SIM1: variants seen among roughly 807,000 people sequenced by gnomAD.
SIM1 encodes single-minded homolog 1.
SIM1 carries 18 observed loss-of-function variants against 78.2 expected under a neutral mutation model. The observed-to-expected ratio is 0.23, with a 90% CI of 0.16 to 0.34. The LOEUF is 0.34. Among genes scored for constraint, SIM1 ranks in the 10% least tolerant of loss-of-function variants. SIM1 has a pLI of 1.00. For missense variants in SIM1, 939 were observed against 975.1 expected, an observed-to-expected ratio of 0.96 and a Z score of 0.49; for synonymous variants, 417 against 385.2, an observed-to-expected ratio of 1.08 and a Z score of -0.97.
intron 11 of SIM1, among the ~76,000 whole-genome samples, chr6:100,392,162 G>A (rs760383102): frequency 2.6e-5 from 4 of 152,218 alleles, no homozygotes; most frequent in East Asian, 1.9e-4. Context: ...CGACAAGAGC[G>A]AAACTCTGTC....
chr6:100,424,067 CT>C (rs1435687108), intron 9 of SIM1, among the ~76,000 whole-genome samples: 1 of 126,408 alleles, frequency 7.9e-6, no homozygotes, highest in South Asian at 3.3e-4. Flanking sequence ...CCCCACCCCC[CT>C]CCCACCCCCC....
intron 9 of SIM1, among the ~76,000 whole-genome samples, chr6:100,439,872 A>T (rs534315923): frequency 1.3e-5 from 2 of 152,102 alleles, no homozygotes; most frequent in East Asian, 3.9e-4. Context: ...AGAAATCTCT[A>T]CTCCCCTTAG....
chr6:100,404,680 G>A (rs1234549441), intron 10 of SIM1, among the ~76,000 whole-genome samples: 4 of 151,710 alleles, frequency 2.6e-5, no homozygotes, highest in Admixed American at 6.6e-5. Flanking sequence ...CCCACTTCTC[G>A]GGATGCTTCC....
intron 10 of SIM1, among the ~76,000 whole-genome samples, chr6:100,405,477 T>A (rs988589502): frequency 3.3e-5 from 5 of 152,186 alleles, no homozygotes; most frequent in African/African-American, 9.6e-5. Flanking sequence ...AAACCAATTT[T>A]AAAGTATTTA....
intron 10 of SIM1, among the ~76,000 whole-genome samples, chr6:100,412,735 G>GAA (rs768082208): frequency 1.4e-5 from 2 of 140,670 alleles, no homozygotes; most frequent in East Asian, 2.1e-4. Context: ...AAGAAAGAAA[G>GAA]AAAGAAAGAA....
At chr6:100,459,471 A>G (rs966836235) in intron 2 of SIM1, among the ~76,000 whole-genome samples, 5 of 152,232 alleles carry the variant, frequency 3.3e-5, no homozygotes, top group African/African-American at 1.2e-4. Context: ...ATGGAAACCT[A>G]ATGCTCAATC....
intron 10 of SIM1, among the ~76,000 whole-genome samples, chr6:100,401,165 A>G (rs1043652373): frequency 2.0e-5 from 3 of 152,148 alleles, no homozygotes; most frequent in Non-Finnish European, 2.9e-5. Context: ...ACCAGAATCT[A>G]ACCATGAAGA....
chr6:100,434,195 G>A (rs1771980083), intron 9 of SIM1, among the ~76,000 whole-genome samples: 1 of 152,186 alleles, frequency 6.6e-6, no homozygotes, highest in South Asian at 2.1e-4. Context: ...TTGGAGGAAT[G>A]AAATTGACAC....
intron 9 of SIM1, among the ~76,000 whole-genome samples, chr6:100,446,608 G>A (rs918896542): frequency 6.6e-6 from 1 of 152,238 alleles, no homozygotes; most frequent in Non-Finnish European, 1.5e-5. Flanking sequence ...AGGCTCAAAT[G>A]CAGGCCTCTG....
chr6:100,411,126 T>C (rs1053811640), intron 10 of SIM1, among the ~76,000 whole-genome samples: 5 of 152,220 alleles, frequency 3.3e-5, no homozygotes, highest in African/African-American at 1.2e-4. Context: ...TCATGAGAAC[T>C]GAGCCCTGGA....
intron 2 of SIM1, among the ~76,000 whole-genome samples, chr6:100,456,292 T>C (rs1772656934): frequency 1.3e-5 from 2 of 152,182 alleles, no homozygotes; most frequent in Admixed American, 1.3e-4. Context: ...CCTCGCCTCC[T>C]GCCTTCGGTG....
In SIM1 at chr6:100,393,503, T is replaced by A. The variant is rs1484917632; in HGVS notation, c.1554A>T (p.Ser518=). 6.5e-7 allele frequency: 1 copy of A among 1,544,418 alleles called. No individual in the cohort carries two copies. The highest frequency in any genetic ancestry group is 8.8e-7 in the Non-Finnish European group (1 of 1,141,894). Reference sequence around the variant, plus strand: ...TGCTCTTACCATGGATCCTGTGGACTGAAGCGATGTGAGGCATGCTGTTTT... The same window carrying A: ...TGCTCTTACCATGGATCCTGTGGACAGAAGCGATGTGAGGCATGCTGTTTT... ...AYENSMPHIA[S]VHRIHGRGHW... The change falls in exon 11 of 12, where the codon TCA becomes TCT. Residue 518 remains serine (S), a synonymous_variant. Transcript: ENST00000369208.
chr6:100,460,663 A>G (rs1229563500), intron 2 of SIM1, among the ~76,000 whole-genome samples: 4 of 152,192 alleles, frequency 2.6e-5, no homozygotes, highest in Non-Finnish European at 5.9e-5. Context: ...ATCCATATAA[A>G]GTGATCAGTT....
At chr6:100,411,821 A>C (rs888287987) in intron 10 of SIM1, among the ~76,000 whole-genome samples, 3 of 152,148 alleles carry the variant, frequency 2.0e-5, no homozygotes, top group Non-Finnish European at 4.4e-5. Context: ...TATTTTATGA[A>C]AGAGGTGGCA....
chr6:100,411,138 C>T (rs553185593), intron 10 of SIM1, among the ~76,000 whole-genome samples: 9 of 152,184 alleles, frequency 5.9e-5, no homozygotes, highest in East Asian at 5.8e-4. Flanking sequence ...AGCCCTGGAA[C>T]TAGGGCTGAG....
intron 10 of SIM1, among the ~76,000 whole-genome samples, chr6:100,419,646 T>C (rs1469768721): frequency 6.6e-6 from 1 of 152,058 alleles, no homozygotes; most frequent in East Asian, 1.9e-4. Flanking sequence ...GTTTTTGTTT[T>C]TGTTTTTGTT....
chr6:100,406,104 A>G (rs1771044845), intron 10 of SIM1, among the ~76,000 whole-genome samples: 1 of 152,240 alleles, frequency 6.6e-6, no homozygotes, highest in South Asian at 2.1e-4. Flanking sequence ...TAAATGATTC[A>G]GTATATCCCA....
intron 2 of SIM1, among the ~76,000 whole-genome samples, chr6:100,460,156 C>G (rs952145595): frequency 6.6e-6 from 1 of 152,084 alleles, no homozygotes; most frequent in Non-Finnish European, 1.5e-5. Flanking sequence ...TCCCACTCCC[C>G]CATTTTCACC....
At chr6:100,426,396 T>C (rs568601981) in intron 9 of SIM1, among the ~76,000 whole-genome samples, 4 of 152,330 alleles carry the variant, frequency 2.6e-5, no homozygotes, top group Admixed American at 6.5e-5. Context: ...AATGGGGCCA[T>C]TTTTGTATCA....
Sources: gnomAD v4.1 joint callset for allele counts (sites outside exome capture counted in the v4.1 genomes callset) on GRCh38, gnomAD v4.1.1 for gene constraint, MANE v1.5 for transcripts, NCBI Gene and HGNC (gene_info 2026-07-23, HGNC 2026-07-21) for gene names.